ELAVL4: variants seen among roughly 807,000 people sequenced by gnomAD.
ELAVL4 encodes ELAV like RNA binding protein 4, also known as ELAV-like protein 4.
In ELAVL4, 1 loss-of-function variant was observed where a neutral mutation model predicts 35.6. That is an observed-to-expected ratio of 0.03 (90% CI 0.01 to 0.13). ELAVL4 has a LOEUF of 0.13. Ranked by LOEUF, ELAVL4 falls within the 10% of genes least tolerant of loss-of-function variation. The probability of loss-of-function intolerance (pLI) is 1.00; values close to 1 mark genes in which losing one functional copy is unlikely to be tolerated. For synonymous variants in ELAVL4, 156 were observed against 171.0 expected, an observed-to-expected ratio of 0.91 and a Z score of 0.69; for missense variants, 267 against 464.9, an observed-to-expected ratio of 0.57 and a Z score of 3.91.
At chr1:50,100,593 A>G (rs1665929273), upstream of ELAVL4, among the ~76,000 whole-genome samples, 1 of 152,094 alleles carries the variant, frequency 6.6e-6, no homozygotes, top group Non-Finnish European at 1.5e-5. Context: ...CTAACACTTA[A>G]TTTTGGTATT....
chr1:50,149,719 T>G (rs1229883332), intron 2 of ELAVL4, among the ~76,000 whole-genome samples: 6 of 151,906 alleles, frequency 3.9e-5, no homozygotes, highest in Non-Finnish European at 7.4e-5. Context: ...AATTTTTGTA[T>G]TTTTAGTAGA....
At chr1:50,055,762 G>A (rs574244599) in intron 1 of ELAVL4, among the ~76,000 whole-genome samples, 1 of 152,240 alleles carries the variant, frequency 6.6e-6, no homozygotes, top group Non-Finnish European at 1.5e-5. Flanking sequence ...TTGAGCAAAT[G>A]ACTTAGTATG....
rs1460124885 is a variant in ELAVL4 at position 50,180,029 on chromosome 1, G to A, written c.354+2837G>A. The A allele has an allele frequency of 4.6e-5, 7 of 152,112 alleles. No homozygotes were observed. The South Asian group carries it at 1.5e-3, about 32-fold the overall frequency. The allele number at this position is 152,112 out of a possible 1,614,324, so 9.4% of individuals were successfully genotyped here. A position where few individuals can be genotyped will look rare whatever the true frequency, so the allele number is the denominator to read the frequency against. ...CCTGCCAATCTCCCAATTTTTAAAAGCTAGAAAATAACTCAAAGAATTTTA... is the reference window on the plus strand; with the variant it reads ...CCTGCCAATCTCCCAATTTTTAAAAACTAGAAAATAACTCAAAGAATTTTA... On this transcript the variant is annotated intron_variant, in intron 3 of 6. Transcript: ENST00000371824.
At chr1:50,183,759 A>C (rs1414897750) in intron 3 of ELAVL4, among the ~76,000 whole-genome samples, 1 of 152,056 alleles carries the variant, frequency 6.6e-6, no homozygotes, top group African/African-American at 2.4e-5. Flanking sequence ...CATTCCGCTG[A>C]GGCATCTTTT....
At chr1:50,148,270 C>A (rs1674101957) in intron 2 of ELAVL4, among the ~76,000 whole-genome samples, 1 of 152,094 alleles carries the variant, frequency 6.6e-6, no homozygotes, top group Non-Finnish European at 1.5e-5. Context: ...GGGTAAAGAC[C>A]CTGCCTAACC....
At chr1:50,149,337 G>A (rs1196650587) in intron 2 of ELAVL4, among the ~76,000 whole-genome samples, 2 of 151,678 alleles carry the variant, frequency 1.3e-5, no homozygotes, top group Admixed American at 6.6e-5. Flanking sequence ...GGCGGAGGTT[G>A]CATTGAGCTG....
intron 3 of ELAVL4, among the ~76,000 whole-genome samples, chr1:50,188,659 G>C (rs928964235): frequency 2.0e-5 from 3 of 152,194 alleles, no homozygotes; most frequent in African/African-American, 7.2e-5. Context: ...GCCGAGAGCA[G>C]AGCCTGCCCC....
At chr1:50,106,054 C>T (rs982193008), upstream of ELAVL4, 12 of 386,968 alleles carry the variant, frequency 3.1e-5, no homozygotes, top group African/African-American at 1.0e-4. Flanking sequence ...TCATGGAAGT[C>T]AAGGAAATAC....
intron 2 of ELAVL4, among the ~76,000 whole-genome samples, chr1:50,146,875 C>T (rs1334404709): frequency 6.6e-6 from 1 of 151,944 alleles, no homozygotes; most frequent in Non-Finnish European, 1.5e-5. Context: ...AGAACTGTAG[C>T]GAGATTTTTG....
rs147283811 is a variant in ELAVL4, at chr1:50,154,523, G to A, written c.250+9326G>A. On this transcript the variant is annotated intron_variant, in intron 2 of 6. Transcript: ENST00000371824. ...GGTAATAACTCTAATTCCTATGGCC[G>A]CTAATGGAATTTCTCATCACAAACT... Among the ~76,000 whole-genome samples the A allele has an allele frequency of 3.3e-3, 495 of 152,244 alleles. 6 individuals carry two copies. Among genetic ancestry groups the A allele is most frequent in the African/African-American group, 0.011 (473 of 41,536 alleles).
At chr1:50,120,060 A>AATATATATATAT in intron 1 of ELAVL4, among the ~76,000 whole-genome samples, 1 of 147,190 alleles carries the variant, frequency 6.8e-6, no homozygotes, top group East Asian at 2.0e-4. Context: ...AGAATCAACA[A>AATATATATATAT]ATATATATAT....
At position 50,109,156 on chromosome 1, in the gene ELAVL4, G is replaced by A; in HGVS notation, c.-34G>A. The A allele has an allele frequency of 6.2e-7, 1 of 1,605,792 alleles. No homozygotes were observed. Among genetic ancestry groups the A allele is most frequent in the Non-Finnish European group, 8.5e-7 (1 of 1,176,916 alleles). ...CTTTGCAAATTTTAACAGAAGAGTC[G>A]AAGCTCTGCGAGACCCAATATTTGC... On this transcript the variant is annotated 5_prime_UTR_variant, in exon 1 of 7. Coordinates refer to ENST00000371824, the MANE Select transcript of ELAVL4 (RefSeq NM_001144774.3).
chr1:50,078,521 A>G (rs1257757146), intron 1 of ELAVL4, among the ~76,000 whole-genome samples: 2 of 152,106 alleles, frequency 1.3e-5, no homozygotes, highest in Non-Finnish European at 2.9e-5. Context: ...GCTCACTTAC[A>G]AGGTAGTCAG....
At chr1:50,066,566 C>A (rs1664275171) in intron 1 of ELAVL4, among the ~76,000 whole-genome samples, 1 of 152,138 alleles carries the variant, frequency 6.6e-6, no homozygotes, top group Non-Finnish European at 1.5e-5. Context: ...CTCAGCACGT[C>A]CAGATGCATA....
intron 1 of ELAVL4, among the ~76,000 whole-genome samples, chr1:50,090,382 A>C (rs1001191309): frequency 6.6e-6 from 1 of 152,196 alleles, no homozygotes; most frequent in African/African-American, 2.4e-5. Context: ...AAAATATTCT[A>C]TACAATGTGT....
intron 1 of ELAVL4, among the ~76,000 whole-genome samples, chr1:50,083,082 G>GGAGTCT (rs1475357532): frequency 6.6e-6 from 1 of 152,008 alleles, no homozygotes; most frequent in Non-Finnish European, 1.5e-5. Context: ...TTTAAGATAT[G>GGAGTCT]GAGTCTCACT....
Position 50,152,750 on chromosome 1 carries a change from A to T in ELAVL4, c.250+7553A>T, listed in dbSNP as rs537034584. Among the ~76,000 whole-genome samples, 83 of 152,302 alleles carry T rather than the reference A, an allele frequency of 5.4e-4. 1 individual carries two copies. The highest frequency in any genetic ancestry group is 1.9e-3 in the African/African-American group (79 of 41,568). On this transcript the variant is annotated intron_variant, in intron 2 of 6. Coordinates refer to ENST00000371824, the MANE Select transcript of ELAVL4 (RefSeq NM_001144774.3). ...TTATTCCTCGTAAGAACTAAAGATC[A>T]TTAAGTTGCTTTTTCGTTTTTTCTA...
At chr1:50,186,870 G>A (rs1191940309) in intron 3 of ELAVL4, among the ~76,000 whole-genome samples, 3 of 152,154 alleles carry the variant, frequency 2.0e-5, no homozygotes, top group Non-Finnish European at 4.4e-5. Flanking sequence ...GGCAGGTAGG[G>A]GAAGTGTAAA....
At chr1:50,064,162 A>G (rs539427244) in intron 1 of ELAVL4, among the ~76,000 whole-genome samples, 2 of 152,316 alleles carry the variant, frequency 1.3e-5, no homozygotes, top group Admixed American at 1.3e-4. Context: ...GTGCAAGGGC[A>G]TAGGTGGCAA....
Sources: gnomAD v4.1 joint callset for allele counts (sites outside exome capture counted in the v4.1 genomes callset) on GRCh38, gnomAD v4.1.1 for gene constraint, MANE v1.5 for transcripts, NCBI Gene and HGNC (gene_info 2026-07-23, HGNC 2026-07-21) for gene names.